DTNA: variants seen among roughly 807,000 people sequenced by gnomAD.
DTNA encodes dystrophin-related protein 3.
Under a neutral mutation model 100.7 loss-of-function variants are expected in DTNA, and 43 were observed. The ratio of observed to expected loss-of-function variants is 0.43; its 90% confidence interval spans 0.33 to 0.55. DTNA has a LOEUF of 0.55. Among genes scored for constraint, DTNA ranks in the 20% least tolerant of loss-of-function variants. The pLI is 0.04. For missense variants in DTNA, 798 were observed against 953.9 expected (o/e 0.84, Z 2.15); for synonymous variants, 349 against 347.9 (o/e 1.00, Z -0.04).
At chr18:34,500,338 A>T (rs2039758206) in intron 1 of DTNA, among the ~76,000 whole-genome samples, 1 of 150,956 alleles carries the variant, frequency 6.6e-6, no homozygotes, top group South Asian at 2.1e-4. Context: ...TTCAGTGTTG[A>T]GGTATTCAGT....
At chr18:34,709,738 A>G (rs562950058), upstream of DTNA, among the ~76,000 whole-genome samples, 39 of 152,224 alleles carry the variant, frequency 2.6e-4, no homozygotes, top group Non-Finnish European at 5.0e-4. Context: ...AGTTAAACAC[A>G]GGGTTTTGAT....
chr18:34,513,067 C>T (rs536996898), intron 1 of DTNA, among the ~76,000 whole-genome samples: 1 of 152,080 alleles, frequency 6.6e-6, no homozygotes, highest in Admixed American at 6.6e-5. Context: ...CTAACAGCAG[C>T]ACTGTTTTAG....
intron 22 of DTNA, among the ~76,000 whole-genome samples, chr18:34,886,045 T>C (rs1460083544): frequency 6.6e-6 from 1 of 152,200 alleles, no homozygotes; most frequent in Non-Finnish European, 1.5e-5. Flanking sequence ...GCCCAAACAT[T>C]TGAGCTTTCC....
At chr18:34,528,557 A>G (rs1039440983) in intron 1 of DTNA, among the ~76,000 whole-genome samples, 4 of 152,092 alleles carry the variant, frequency 2.6e-5, no homozygotes, top group Non-Finnish European at 5.9e-5. Flanking sequence ...GATAACTGCG[A>G]GTGTGTTAGG....
intron 8 of DTNA, chr18:34,818,619 A>G: frequency 8.2e-7 from 1 of 1,214,106 alleles, no homozygotes; most frequent in Non-Finnish European, 1.0e-6. Context: ...AATAGCAAGG[A>G]CCTTCTGGAA....
intron 17 of DTNA, chr18:34,868,108 A>G: frequency 1.4e-6 from 1 of 707,158 alleles, no homozygotes; most frequent in Non-Finnish European, 1.7e-6. Flanking sequence ...TGAATATGCT[A>G]ATCTTAAGGG....
chr18:34,499,726 A>T (rs1057276164), intron 1 of DTNA, among the ~76,000 whole-genome samples: 1 of 152,198 alleles, frequency 6.6e-6, no homozygotes, highest in Non-Finnish European at 1.5e-5. Context: ...CTTAAGACTA[A>T]TGATGGTGAA....
chr18:34,651,443 ATTT>A (rs1383515567), intron 1 of DTNA, among the ~76,000 whole-genome samples: 1 of 152,136 alleles, frequency 6.6e-6, no homozygotes, highest in Non-Finnish European at 1.5e-5. Flanking sequence ...AGCCACTTTT[ATTT>A]TTTAAATCCT....
chr18:34,691,372 G>T (rs2079738228), intron 1 of DTNA, among the ~76,000 whole-genome samples: 1 of 152,108 alleles, frequency 6.6e-6, no homozygotes, highest in African/African-American at 2.4e-5. Flanking sequence ...GTGTAATTTT[G>T]AGCAAGTTAC....
chr18:34,532,401 G>A lies in DTNA; in HGVS notation c.-2+38887G>A, dbSNP rs754530320. The stretch of plus-strand genomic sequence containing the variant: ...GTGGAACTGTAAAAAGACAAGTCAG[G>A]TGGATTATAGAGTGTGGAAAACTGC... On this transcript the variant is annotated intron_variant, in intron 1 of 19. Transcript: ENST00000283365. Among the ~76,000 whole-genome samples, 4 of 152,074 alleles carry A rather than the reference G, an allele frequency of 2.6e-5. No individual in the cohort carries two copies. In the East Asian group the frequency reaches 5.8e-4, roughly 22 times the overall value.
intron 5 of DTNA, 78 bp downstream of exon 5, chr18:34,806,382 T>G: frequency 8.7e-7 from 1 of 1,148,184 alleles, no homozygotes; most frequent in Non-Finnish European, 1.3e-6. Context: ...TTCCTCTATG[T>G]CCCCTCCCCA....
At chr18:34,611,551 C>T (rs1475248044) in intron 1 of DTNA, among the ~76,000 whole-genome samples, 2 of 151,946 alleles carry the variant, frequency 1.3e-5, no homozygotes, top group African/African-American at 2.4e-5. Flanking sequence ...AAAGTGGCAC[C>T]CGAGACTCCA....
At position 34,610,402 on chromosome 18, in the gene DTNA, A is replaced by G. The variant is rs140142622; in HGVS notation, c.-2+116888A>G. ...AGAACAAATCAGTCTTAATGGAAGTATAAATCACAAATTTTCTGGTTTAAA... is the reference window on the plus strand; with the variant it reads ...AGAACAAATCAGTCTTAATGGAAGTGTAAATCACAAATTTTCTGGTTTAAA... On this transcript the variant is annotated intron_variant, in intron 1 of 19. Coordinates refer to the DTNA transcript ENST00000283365. Among the ~76,000 whole-genome samples, 39 of 152,340 alleles carry G rather than the reference A, an allele frequency of 2.6e-4. 1 individual carries two copies. In the East Asian group the frequency reaches 4.2e-3, roughly 17 times the overall value.
At chr18:34,781,828 C>A (rs1372433018) in intron 3 of DTNA, among the ~76,000 whole-genome samples, 2 of 152,136 alleles carry the variant, frequency 1.3e-5, no homozygotes, top group Admixed American at 6.5e-5. Flanking sequence ...TACTTACTCA[C>A]TTTTTTCAAT....
At chr18:34,810,429 C>A (rs533658534) in intron 5 of DTNA, among the ~76,000 whole-genome samples, 2 of 150,950 alleles carry the variant, frequency 1.3e-5, no homozygotes, top group Admixed American at 1.3e-4. Flanking sequence ...AAATAAGTCA[C>A]GCACGGAAAG....
chr18:34,570,293 A>G (rs2047467968), intron 1 of DTNA, among the ~76,000 whole-genome samples: 1 of 152,246 alleles, frequency 6.6e-6, no homozygotes, highest in Non-Finnish European at 1.5e-5. Context: ...AAAGTGATGG[A>G]TAAATGAGGT....
At chr18:34,679,777 A>G (rs1401857682) in intron 1 of DTNA, among the ~76,000 whole-genome samples, 2 of 152,144 alleles carry the variant, frequency 1.3e-5, no homozygotes, top group African/African-American at 4.8e-5. Flanking sequence ...CCAGACAATG[A>G]AAGACTTACC....
intron 17 of DTNA, chr18:34,867,187 C>G: frequency 1.6e-6 from 2 of 1,231,292 alleles, no homozygotes; most frequent in Non-Finnish European, 2.0e-6. Context: ...TCTGTATGCT[C>G]TTTTCTATTA....
intron 1 of DTNA, among the ~76,000 whole-genome samples, chr18:34,623,846 T>A (rs1014892024): frequency 6.6e-6 from 1 of 152,190 alleles, no homozygotes; most frequent in African/African-American, 2.4e-5. Flanking sequence ...GAAAGCTGCA[T>A]TTTAAAAACT....
Sources: allele counts gnomAD v4.1 joint callset (sites outside exome capture counted in the v4.1 genomes callset), GRCh38; gene constraint gnomAD v4.1.1; transcripts MANE v1.5; gene names NCBI Gene and HGNC (gene_info 2026-07-23, HGNC 2026-07-21).